Variants in BARD1 observed in about 807,000 individuals in gnomAD.
BARD1 encodes the protein BRCA1 associated RING domain 1.
Under a neutral mutation model 77.0 loss-of-function variants are expected in BARD1, and 73 were observed. The observed-to-expected ratio is 0.95, with a 90% confidence interval of 0.79 to 1.15. BARD1 has a LOEUF of 1.15. Among genes scored for constraint, BARD1 ranks in the 50% most tolerant of loss-of-function variants. The pLI is 0.00. For missense variants in BARD1, 993 were observed against 938.8 expected (o/e 1.06, Z -0.75); for synonymous variants, 384 against 338.0 (o/e 1.14, Z -1.49).
At position 214,781,098 on chromosome 2, in the gene BARD1, T is replaced by C. The variant is rs587780036; in HGVS notation, c.776A>G (p.Asp259Gly). 5.1e-5 allele frequency: 81 copies of C among 1,586,506 alleles called. No individual in the cohort carries two copies. Among genetic ancestry groups the C allele is most frequent in the Non-Finnish European group, 6.8e-5 (79 of 1,168,934 alleles). ...ISSPQINGEIDLLASGSLTES... is the reference protein window; with the variant it reads ...ISSPQINGEIGLLASGSLTES... ...TGTCAAGGAGCCACTTGCTAGTAAG[T>C]CTATTTCACCATTTATCTGAGGACT... The change falls in exon 4 of 11, where the codon GAC becomes GGC. Residue 259 changes from aspartate to glycine, a missense_variant. Physicochemically the swap from Asp to Gly is moderately conservative, Grantham distance 94. Transcript: ENST00000260947.
At position 214,727,187 on chromosome 2, in the gene BARD1, G is replaced by A. The variant is rs1457026802; in HGVS notation, c.*1489C>T. 1 of 223,320 alleles carries A rather than the reference G, an allele frequency of 4.5e-6. No homozygotes were observed. The highest frequency in any genetic ancestry group is 8.9e-6 in the Non-Finnish European group (1 of 111,842). The allele number at this position is 223,320 out of a possible 1,614,324, so 13.8% of individuals were successfully genotyped here. On this transcript the variant is annotated 3_prime_UTR_variant, in exon 11 of 11. Transcript: ENST00000260947. ...GTCAGGGTCAAAAGGTTATTATTTT[G>A]TTCATATATTTCTTGATATGAAAAA...
intron 4 of BARD1, among the ~76,000 whole-genome samples, chr2:214,770,201 A>T (rs947958737): frequency 6.6e-6 from 1 of 152,270 alleles, no homozygotes; most frequent in African/African-American, 2.4e-5. Context: ...CCACAGAATT[A>T]GCATTAAATT....
chr2:214,765,737 AACACGCACGTGTGTACACACACACAC>A (rs1323122986), intron 6 of BARD1, among the ~76,000 whole-genome samples: 1 of 151,900 alleles, frequency 6.6e-6, no homozygotes, highest in Non-Finnish European at 1.5e-5. Flanking sequence ...GACACACACA[AACACGCACGTGTGTACACACACACAC>A]ACACACAAAT....
chr2:214,777,042 C>T (rs1694766342), intron 4 of BARD1, among the ~76,000 whole-genome samples: 1 of 152,116 alleles, frequency 6.6e-6, no homozygotes, highest in Admixed American at 6.6e-5. Flanking sequence ...CCCTGCCAAC[C>T]ATCCAAGCAA....
intron 1 of BARD1, among the ~76,000 whole-genome samples, chr2:214,808,880 A>G (rs1053119819): frequency 6.6e-6 from 1 of 152,214 alleles, no homozygotes; most frequent in Non-Finnish European, 1.5e-5. Flanking sequence ...ATCTACAACT[A>G]TGGTAGATAT....
intron 4 of BARD1, among the ~76,000 whole-genome samples, chr2:214,771,528 G>A (rs926284861): frequency 2.0e-5 from 3 of 151,990 alleles, no homozygotes; most frequent in African/African-American, 7.3e-5. Context: ...AGGAGTTTGA[G>A]ATCAGCCTAG....
chr2:214,755,401 G>T (rs1201167279), intron 6 of BARD1, among the ~76,000 whole-genome samples: 1 of 152,086 alleles, frequency 6.6e-6, no homozygotes, highest in Non-Finnish European at 1.5e-5. Context: ...CTCTTTTCTA[G>T]CATGATTTAA....
intron 2 of BARD1, among the ~76,000 whole-genome samples, chr2:214,796,234 C>T (rs1695748180): frequency 6.6e-6 from 1 of 152,108 alleles, no homozygotes; most frequent in Admixed American, 6.5e-5. Context: ...ACCTGTAAGC[C>T]AGGGCCATCA....
intron 2 of BARD1, 170 bp downstream of exon 2, chr2:214,796,891 T>C (rs2106145068): frequency 1.6e-6 from 1 of 625,872 alleles, no homozygotes. Context: ...TTCTTATTTG[T>C]AAATTAAGAC....
intron 1 of BARD1, among the ~76,000 whole-genome samples, chr2:214,800,339 T>C (rs1474873538): frequency 6.6e-6 from 1 of 152,086 alleles, no homozygotes; most frequent in East Asian, 1.9e-4. Context: ...TTGTGTGTAT[T>C]GGGGGAGGGA....
intron 9 of BARD1, among the ~76,000 whole-genome samples, chr2:214,732,675 G>A (rs1013854402): frequency 6.6e-6 from 1 of 152,140 alleles, no homozygotes; most frequent in Non-Finnish European, 1.5e-5. Flanking sequence ...GATTACAGGC[G>A]TGAACCACCA....
At chr2:214,809,272 C>T (rs1409914254) in intron 1 of BARD1, 140 bp downstream of exon 1, 4 of 1,187,156 alleles carry the variant, frequency 3.4e-6, no homozygotes, top group South Asian at 1.4e-5. Context: ...CTATATCCCC[C>T]GGCAGGTGCT....
At chr2:214,743,658 A>G (rs1274045044) in intron 9 of BARD1, among the ~76,000 whole-genome samples, 7 of 151,726 alleles carry the variant, frequency 4.6e-5, no homozygotes, top group African/African-American at 9.7e-5. Context: ...ATCTCGGCTC[A>G]CTGCAACCTC....
intron 3 of BARD1, among the ~76,000 whole-genome samples, chr2:214,784,827 G>T (rs138296824): frequency 6.6e-6 from 1 of 152,084 alleles, no homozygotes; most frequent in Non-Finnish European, 1.5e-5. Flanking sequence ...GGTGAACAAT[G>T]AGAACACATG....
chr2:214,791,732 G>A (rs149109514), intron 3 of BARD1, among the ~76,000 whole-genome samples: 61 of 152,230 alleles, frequency 4.0e-4, no homozygotes, highest in African/African-American at 1.2e-3. Flanking sequence ...GAAAAATGTC[G>A]TATTCTATCT....
Position 214,796,992 on chromosome 2 carries a change from C to T in BARD1, c.215+69G>A, listed in dbSNP as rs1695783502. ...AAACATCAAGTACCATTATTATCAA[C>T]AAGATTACATGATTGTTATCTAGTA... On this transcript the variant is annotated intron_variant, in intron 2 of 10. Coordinates refer to ENST00000260947, the MANE Select transcript of BARD1 (RefSeq NM_000465.4). 3.3e-6 allele frequency: 4 copies of T among 1,217,640 alleles called. No individual in the cohort carries two copies. In the East Asian group the frequency reaches 7.0e-5, roughly 21 times the overall value. 75.4% of individuals were successfully genotyped at this position (1,217,640 alleles called of 1,614,324 possible). A position where few individuals can be genotyped will look rare whatever the true frequency, so the allele number is the denominator to read the frequency against.
At chr2:214,807,315 G>A (rs910882240) in intron 1 of BARD1, among the ~76,000 whole-genome samples, 1 of 151,942 alleles carries the variant, frequency 6.6e-6, no homozygotes, top group African/African-American at 2.4e-5. Context: ...TTTACACTCC[G>A]TTGCCTCTTA....
intron 6 of BARD1, among the ~76,000 whole-genome samples, chr2:214,762,349 C>G (rs1033232773): frequency 6.6e-6 from 1 of 152,086 alleles, no homozygotes; most frequent in Non-Finnish European, 1.5e-5. Flanking sequence ...TACTTCTGAT[C>G]CCAAGCATTT....
At position 214,781,158 on chromosome 2, in the gene BARD1, A is replaced by T. The variant is rs200359745; in HGVS notation, c.716T>A (p.Leu239Gln). ...AGATGGTTGGCTACAGAAGGATACC[A>T]GCTTTTGCTTAGATTCCTCTTTGGA... is the stretch of plus-strand genomic sequence containing the variant. Reference protein sequence around the residue: ...FDSKEESKQKLVSFCSQPSVI... With the variant: ...FDSKEESKQKQVSFCSQPSVI... The change falls in exon 4 of 11, where the codon CTG becomes CAG. Residue 239 changes from leucine (L) to glutamine (Q), a missense_variant. By Grantham distance (113) the Leu-to-Gln change is moderately radical (BLOSUM62 -2). Transcript: ENST00000260947. The T allele has an allele frequency of 5.8e-5, 91 of 1,577,786 alleles. No homozygotes were observed. In the Middle Eastern group the frequency reaches 1.5e-3, roughly 27 times the overall value.
Sources: gnomAD v4.1 joint callset for allele counts (sites outside exome capture counted in the v4.1 genomes callset) on GRCh38, gnomAD v4.1.1 for gene constraint, MANE v1.5 for transcripts, NCBI Gene and HGNC (gene_info 2026-07-23, HGNC 2026-07-21) for gene names.